Variants in SEMA6D observed in about 807,000 individuals in gnomAD.
SEMA6D encodes the protein semaphorin-6D.
SEMA6D carries 35 observed loss-of-function variants against 106.6 expected under a neutral mutation model. That is an observed-to-expected ratio of 0.33 (90% confidence interval 0.25 to 0.44). The LOEUF (loss-of-function observed/expected upper bound fraction) is 0.44. Among genes scored for constraint, SEMA6D ranks in the 20% least tolerant of loss-of-function variants. The pLI, the probability that SEMA6D is intolerant of heterozygous loss-of-function variation, is 1.00. For synonymous variants in SEMA6D, 499 were observed against 487.7 expected (o/e 1.02, Z -0.31); for missense variants, 1,185 against 1,345.9 (o/e 0.88, Z 1.87).
At chr15:47,473,255 A>G (rs532385702) in intron 3 of SEMA6D, among the ~76,000 whole-genome samples, 1 of 152,280 alleles carries the variant, frequency 6.6e-6, no homozygotes, top group East Asian at 1.9e-4. Flanking sequence ...CAGCCACTGC[A>G]GAGGCAGCTT....
chr15:47,325,162 TTTTTTTTGTTTTTTG>T (rs1233837037), intron 1 of SEMA6D, among the ~76,000 whole-genome samples: 1 of 151,946 alleles, frequency 6.6e-6, no homozygotes, highest in East Asian at 1.9e-4. Flanking sequence ...GTGAAGCGTT[TTTTTTTTGTTTTTTG>T]TTTTTTGTTT....
intron 3 of SEMA6D, among the ~76,000 whole-genome samples, chr15:47,508,243 AAAG>A (rs1027934766): frequency 1.8e-4 from 27 of 152,240 alleles, no homozygotes; most frequent in Non-Finnish European, 3.2e-4. Context: ...GGGAGAATTG[AAAG>A]AAGAATTCAG....
At chr15:47,334,051 C>T (rs1269508343) in intron 1 of SEMA6D, among the ~76,000 whole-genome samples, 3 of 152,124 alleles carry the variant, frequency 2.0e-5, no homozygotes, top group Non-Finnish European at 4.4e-5. Context: ...TTAAATCATG[C>T]ACTTTTTATT....
chr15:47,664,823 G>T (rs988988922), intron 4 of SEMA6D, among the ~76,000 whole-genome samples: 3 of 152,178 alleles, frequency 2.0e-5, no homozygotes, highest in African/African-American at 7.2e-5. Flanking sequence ...TGAGAATTGA[G>T]TTCCCCCAAT....
chr15:47,462,340 C>G (rs2042538930), intron 2 of SEMA6D, among the ~76,000 whole-genome samples: 1 of 152,118 alleles, frequency 6.6e-6, no homozygotes, highest in Non-Finnish European at 1.5e-5. Context: ...GGTCCCAGCA[C>G]AGTGCCTTAC....
chr15:47,662,454 C>T (rs978597123), intron 4 of SEMA6D, among the ~76,000 whole-genome samples: 5 of 152,138 alleles, frequency 3.3e-5, no homozygotes, highest in African/African-American at 1.2e-4. Flanking sequence ...GTTTTATCTT[C>T]TAGTGACAGT....
rs114905178 is a variant in SEMA6D, at chr15:47,701,642, A to G, written c.-54-58103A>G. On this transcript the variant is annotated intron_variant, in intron 4 of 19. Transcript: ENST00000558014. ...GAATAAATATGCACAATTTGTATTC[A>G]TCCACTTATAAATAAAGTTAAAATT... is the stretch of plus-strand genomic sequence containing the variant. Among the ~76,000 whole-genome samples, 680 of 152,338 alleles carry G rather than the reference A, an allele frequency of 4.5e-3. 4 individuals are homozygous for G. Among genetic ancestry groups the G allele is most frequent in the African/African-American group, 0.016 (652 of 41,568 alleles).
intron 2 of SEMA6D, among the ~76,000 whole-genome samples, chr15:47,418,141 C>A (rs1243018792): frequency 1.3e-5 from 2 of 151,978 alleles, no homozygotes; most frequent in African/African-American, 2.4e-5. Flanking sequence ...TATGTAGATA[C>A]CTTCTGAGAA....
At chr15:47,759,028 G>A (rs1028328727) in intron 1 of SEMA6D, among the ~76,000 whole-genome samples, 2 of 152,146 alleles carry the variant, frequency 1.3e-5, no homozygotes, top group Non-Finnish European at 2.9e-5. Context: ...ATGGTTTTAT[G>A]TAAAAACGTA....
At chr15:47,681,059 A>G (rs2078342552) in intron 4 of SEMA6D, among the ~76,000 whole-genome samples, 1 of 152,226 alleles carries the variant, frequency 6.6e-6, no homozygotes. Flanking sequence ...GAACTACTAT[A>G]TGATCCAACA....
At chr15:47,388,414 T>C (rs2145765713) in intron 1 of SEMA6D, among the ~76,000 whole-genome samples, 1 of 152,312 alleles carries the variant, frequency 6.6e-6, no homozygotes, top group East Asian at 1.9e-4. Context: ...ATTTAAATCT[T>C]GTGCCCTTCT....
In SEMA6D at chr15:47,765,053, C is replaced by T. The variant is rs1226003353; in HGVS notation, c.1424C>T (p.Ala475Val). The T allele has an allele frequency of 2.5e-6, 4 of 1,613,636 alleles. No homozygotes were observed. The highest frequency in any genetic ancestry group is 3.4e-6 in the Non-Finnish European group (4 of 1,179,712). ...GAAGAGATTGAAGCCTACAACCATGCAAAGTAGGTATATGTTACGAGAACG... is the reference window on the plus strand; with the variant it reads ...GAAGAGATTGAAGCCTACAACCATGTAAAGTAGGTATATGTTACGAGAACG... ...LLEEIEAYNH[A>V]KCSAENEEDK... The change falls in exon 13 of 19, where the codon GCA becomes GTA. Residue 475 changes from alanine (A) to valine (V), a missense_variant. Ala to Val is a moderately conservative substitution (Grantham distance 64, BLOSUM62 0). This residue lies in a region of SEMA6D where 750 missense variants were observed against 783.5 expected (regional missense o/e 0.96). Transcript: ENST00000536845.
chr15:47,236,851 G>T (rs938647719), intron 1 of SEMA6D, among the ~76,000 whole-genome samples: 1 of 152,164 alleles, frequency 6.6e-6, no homozygotes, highest in Admixed American at 6.6e-5. Flanking sequence ...TGGGATTCAA[G>T]ATATAGTTCA....
At chr15:47,361,711 C>T (rs1380058613) in intron 1 of SEMA6D, among the ~76,000 whole-genome samples, 2 of 152,178 alleles carry the variant, frequency 1.3e-5, no homozygotes, top group African/African-American at 4.8e-5. Context: ...ATCTGCCTCC[C>T]TCGCACATGC....
chr15:47,511,198 G>A (rs758235064), intron 3 of SEMA6D, among the ~76,000 whole-genome samples: 20 of 152,284 alleles, frequency 1.3e-4, no homozygotes, highest in Non-Finnish European at 2.6e-4. Context: ...TGTGAAGGAG[G>A]TGGAGTTGGT....
chr15:47,572,921 A>T (rs189658877), intron 3 of SEMA6D, among the ~76,000 whole-genome samples: 122 of 152,324 alleles, frequency 8.0e-4, no homozygotes, highest in African/African-American at 2.9e-3. Flanking sequence ...ATTACATCCT[A>T]AAGGTAAATC....
At chr15:47,468,105 A>G (rs570163903) in intron 2 of SEMA6D, among the ~76,000 whole-genome samples, 2 of 152,246 alleles carry the variant, frequency 1.3e-5, no homozygotes, top group African/African-American at 4.8e-5. Flanking sequence ...TGTTGGAAAT[A>G]CAGTACAATC....
rs781640108 is a variant in SEMA6D, at chr15:47,771,806, A to G, written c.*21A>G. ...ACTAGGCCTCAAGTGTGCTATTCCC[A>G]TGTGGCTTTATCCTGTCCGTGTTGT... On this transcript the variant is annotated 3_prime_UTR_variant, in exon 19 of 19. Transcript: ENST00000536845. 2.5e-6 allele frequency: 4 copies of G among 1,596,692 alleles called. No individual in the cohort carries two copies. Among genetic ancestry groups the G allele is most frequent in the Non-Finnish European group, 3.4e-6 (4 of 1,169,484 alleles).
intron 4 of SEMA6D, among the ~76,000 whole-genome samples, chr15:47,604,801 A>G (rs565555254): frequency 4.6e-5 from 7 of 151,496 alleles, no homozygotes; most frequent in South Asian, 2.1e-4. Flanking sequence ...GGTTCATGCC[A>G]TTCTCCTGCC....
Sources: allele counts gnomAD v4.1 joint callset (sites outside exome capture counted in the v4.1 genomes callset), GRCh38; gene constraint gnomAD v4.1.1; regional missense constraint gnomAD v4.1.1; transcripts MANE v1.5; gene names NCBI Gene and HGNC (gene_info 2026-07-23, HGNC 2026-07-21).